OSBPL6: variants seen among roughly 807,000 people sequenced by gnomAD.
The protein encoded by OSBPL6 is oxysterol binding protein like 6, also known as oxysterol-binding protein-related protein 6.
A neutral mutation model predicts 125.8 loss-of-function variants in OSBPL6; 49 were observed. The observed-to-expected ratio is 0.39, with a 90% CI of 0.31 to 0.49. OSBPL6 has a LOEUF of 0.49. Among genes scored for constraint, OSBPL6 ranks in the 20% least tolerant of loss-of-function variants. The pLI, the probability that OSBPL6 is intolerant of heterozygous loss-of-function variation, is 0.88. For synonymous variants in OSBPL6, 394 were observed against 391.8 expected (o/e 1.01, Z -0.07); for missense variants, 986 against 1,135.4 (o/e 0.87, Z 1.89).
At chr2:178,249,947 T>C (rs758205475) in intron 1 of OSBPL6, among the ~76,000 whole-genome samples, 1 of 150,912 alleles carries the variant, frequency 6.6e-6, no homozygotes, top group Non-Finnish European at 1.5e-5. Flanking sequence ...CTACTAGACA[T>C]CTTTGTTAAG....
At chr2:178,265,690 A>G (rs1412912799) in intron 1 of OSBPL6, among the ~76,000 whole-genome samples, 1 of 152,130 alleles carries the variant, frequency 6.6e-6, no homozygotes, top group Non-Finnish European at 1.5e-5. Flanking sequence ...GGTTGGATTT[A>G]GGCCCTGTCA....
At chr2:178,355,400 G>T (rs1287950704) in intron 12 of OSBPL6, among the ~76,000 whole-genome samples, 1 of 152,130 alleles carries the variant, frequency 6.6e-6, no homozygotes, top group Non-Finnish European at 1.5e-5. Flanking sequence ...AAATGATAAA[G>T]GGGATATCAC....
At chr2:178,263,825 G>GTC (rs1266595002) in intron 1 of OSBPL6, among the ~76,000 whole-genome samples, 1 of 151,894 alleles carries the variant, frequency 6.6e-6, no homozygotes, top group Non-Finnish European at 1.5e-5. Context: ...GTGTGTGTGT[G>GTC]TGTGTGTGTG....
intron 3 of OSBPL6, among the ~76,000 whole-genome samples, chr2:178,322,934 A>G (rs1688371515): frequency 7.9e-6 from 1 of 126,260 alleles, no homozygotes; most frequent in South Asian, 2.6e-4. Flanking sequence ...AAAAAAAAAA[A>G]ACCTTTAAAA....
At chr2:178,273,662 T>C (rs2092414742) in intron 1 of OSBPL6, among the ~76,000 whole-genome samples, 1 of 152,188 alleles carries the variant, frequency 6.6e-6, no homozygotes, top group Non-Finnish European at 1.5e-5. Flanking sequence ...AAAGTGATCC[T>C]TTTGGCAGTT....
Position 178,387,089 on chromosome 2 carries a change from G to A in OSBPL6, c.2106G>A (p.Gly702=), listed in dbSNP as rs775259528. ...TCAGATGGAAAAACAAGTTCTGGGGGAAGTCGATGGAAATCCTGCCTGTTG... is the reference window on the plus strand; with the variant it reads ...TCAGATGGAAAAACAAGTTCTGGGGAAAGTCGATGGAAATCCTGCCTGTTG... The part of the protein sequence containing the change: ...QDIRWKNKFW[G]KSMEILPVGT... Residue 702 remains glycine (G), a synonymous_variant, in exon 20 of 25, where the codon GGG becomes GGA. Transcript: ENST00000190611. 8 of 1,611,734 alleles carry A rather than the reference G, an allele frequency of 5.0e-6. No individual in the cohort carries two copies. In the South Asian group the frequency reaches 8.8e-5, roughly 18 times the overall value.
intron 3 of OSBPL6, among the ~76,000 whole-genome samples, chr2:178,306,587 C>G (rs1024153319): frequency 1.3e-5 from 2 of 152,144 alleles, no homozygotes; most frequent in African/African-American, 4.8e-5. Flanking sequence ...CTTGAACACT[C>G]TTCTCTTCGT....
intron 22 of OSBPL6, 22 bp from the exon 23 acceptor site, chr2:178,392,390 T>G (rs1695482093): frequency 2.5e-6 from 4 of 1,613,208 alleles, no homozygotes; most frequent in Non-Finnish European, 3.4e-6. Flanking sequence ...CCTCTCACAG[T>G]GGTTCATTGG....
At chr2:178,199,785 C>T (rs1005858582) in intron 1 of OSBPL6, among the ~76,000 whole-genome samples, 1 of 151,934 alleles carries the variant, frequency 6.6e-6, no homozygotes, top group Non-Finnish European at 1.5e-5. Context: ...CATTGTTTGC[C>T]GTTTGAAATG....
At chr2:178,371,184 G>A (rs548322631) in intron 13 of OSBPL6, among the ~76,000 whole-genome samples, 2 of 152,156 alleles carry the variant, frequency 1.3e-5, no homozygotes, top group Admixed American at 1.3e-4. Flanking sequence ...CTTTTCTCTG[G>A]GCCTTGTCTT....
At chr2:178,316,012 A>G (rs1188896696) in intron 3 of OSBPL6, among the ~76,000 whole-genome samples, 1 of 152,194 alleles carries the variant, frequency 6.6e-6, no homozygotes, top group East Asian at 1.9e-4. Flanking sequence ...TCCAGTATCC[A>G]CTGTAACTCT....
chr2:178,393,195 A>G (rs1325769959), intron 23 of OSBPL6, among the ~76,000 whole-genome samples: 1 of 152,200 alleles, frequency 6.6e-6, no homozygotes, highest in Admixed American at 6.5e-5. Flanking sequence ...TTTTACTTCT[A>G]TAACTCTGTA....
intron 5 of OSBPL6, 82 bp downstream of exon 5, chr2:178,328,460 A>G (rs1688892851): frequency 3.9e-6 from 6 of 1,524,076 alleles, no homozygotes; most frequent in Non-Finnish European, 4.4e-6. Context: ...TGGGAAACTA[A>G]GAATATGGCA....
intron 1 of OSBPL6, among the ~76,000 whole-genome samples, chr2:178,227,970 G>A (rs1282744141): frequency 6.6e-6 from 1 of 151,910 alleles, no homozygotes; most frequent in Non-Finnish European, 1.5e-5. Context: ...ACATGTGAAT[G>A]TGTCTTATAT....
chr2:178,224,896 C>T (rs982597547), intron 1 of OSBPL6, among the ~76,000 whole-genome samples: 3 of 152,196 alleles, frequency 2.0e-5, no homozygotes, highest in Non-Finnish European at 2.9e-5. Context: ...GATTGTACCA[C>T]TGCACTCCAG....
chr2:178,297,888 G>T (rs909027084), intron 2 of OSBPL6, among the ~76,000 whole-genome samples: 2 of 152,148 alleles, frequency 1.3e-5, no homozygotes, highest in Non-Finnish European at 2.9e-5. Flanking sequence ...CATTTTAACT[G>T]CTTTGAAGTG....
upstream of OSBPL6, among the ~76,000 whole-genome samples, chr2:178,194,117 G>C (rs1303516199): frequency 1.3e-5 from 2 of 152,180 alleles, no homozygotes; most frequent in Admixed American, 6.5e-5. Context: ...GAGCGCGGCC[G>C]GCTCACCTCC....
At chr2:178,340,335 T>C (rs1559266535) in intron 11 of OSBPL6, among the ~76,000 whole-genome samples, 1 of 152,142 alleles carries the variant, frequency 6.6e-6, no homozygotes. Context: ...CTCTGAATTA[T>C]CTTTCAACTC....
intron 12 of OSBPL6, among the ~76,000 whole-genome samples, chr2:178,352,807 T>A (rs1303829893): frequency 1.3e-5 from 2 of 152,212 alleles, no homozygotes; most frequent in Non-Finnish European, 2.9e-5. Context: ...CTGACCCCCA[T>A]GTAGCCTAAC....
Sources: allele counts gnomAD v4.1 joint callset (sites outside exome capture counted in the v4.1 genomes callset), GRCh38; gene constraint gnomAD v4.1.1; transcripts MANE v1.5; gene names NCBI Gene and HGNC (gene_info 2026-07-23, HGNC 2026-07-21).